Variants in KCNIP1 observed in about 807,000 individuals in gnomAD.
KCNIP1 encodes A-type potassium channel modulatory protein KCNIP1.
A neutral mutation model predicts 33.0 loss-of-function variants in KCNIP1; 18 were observed. The observed-to-expected ratio is 0.55, with a 90% confidence interval of 0.38 to 0.81. The LOEUF is 0.81. Among genes scored for constraint, KCNIP1 ranks in the 30% least tolerant of loss-of-function variants. The pLI is 0.00. For synonymous variants in KCNIP1, 93 were observed against 98.3 expected, an observed-to-expected ratio of 0.95 and a Z score of 0.32; for missense variants, 238 against 271.6, an observed-to-expected ratio of 0.88 and a Z score of 0.87.
At chr5:170,587,985 G>A (rs987904481) in intron 1 of KCNIP1, among the ~76,000 whole-genome samples, 1 of 152,208 alleles carries the variant, frequency 6.6e-6, no homozygotes, top group Non-Finnish European at 1.5e-5. Context: ...ATGCACTGAG[G>A]CAAGCCTGAC....
At chr5:170,625,104 G>C (rs1759771069) in intron 1 of KCNIP1, among the ~76,000 whole-genome samples, 1 of 152,036 alleles carries the variant, frequency 6.6e-6, no homozygotes, top group African/African-American at 2.4e-5. Flanking sequence ...TTTCTACTCT[G>C]GTCCTCTGGT....
intron 1 of KCNIP1, among the ~76,000 whole-genome samples, chr5:170,549,100 C>T (rs1756513723): frequency 1.3e-5 from 2 of 152,092 alleles, no homozygotes; most frequent in African/African-American, 4.8e-5. Context: ...TCCACTGGAG[C>T]CTGGGATCCT....
At chr5:170,545,494 C>A (rs1215358687) in intron 1 of KCNIP1, among the ~76,000 whole-genome samples, 1 of 152,102 alleles carries the variant, frequency 6.6e-6, no homozygotes, top group African/African-American at 2.4e-5. Flanking sequence ...TTCTGGGACT[C>A]CAATTATGTG....
chr5:170,640,174 G>A (rs1417344613), intron 1 of KCNIP1, among the ~76,000 whole-genome samples: 1 of 152,224 alleles, frequency 6.6e-6, no homozygotes, highest in Non-Finnish European at 1.5e-5. Context: ...AGGTCCAACG[G>A]TGACTCCCAA....
chr5:170,705,233 G>A (rs13173208), intron 1 of KCNIP1, among the ~76,000 whole-genome samples: 1 of 152,052 alleles, frequency 6.6e-6, no homozygotes, highest in African/African-American at 2.4e-5. Flanking sequence ...GTCTGCCAAG[G>A]CTTCATTTAT....
At chr5:170,401,775 C>T (rs1350197267) in intron 1 of KCNIP1, among the ~76,000 whole-genome samples, 1 of 151,524 alleles carries the variant, frequency 6.6e-6, no homozygotes, top group Non-Finnish European at 1.5e-5. Flanking sequence ...AAAAAAAAAT[C>T]CCTCATAATT....
rs116178880 is a variant in KCNIP1 at position 170,605,242 on chromosome 5, T to A, written c.61+100609T>A. Among the ~76,000 whole-genome samples the A allele has an allele frequency of 6.1e-3, 925 of 152,152 alleles. 9 individuals carry two copies. Among genetic ancestry groups the A allele is most frequent in the African/African-American group, 0.02 (843 of 41,530 alleles). On this transcript the variant is annotated intron_variant, in intron 1 of 7. Transcript: ENST00000328939. ...CTCCCATGGGTGCTGCTCATCTGAG[T>A]CCCTCTGTCCTCACTATGACGGCTG... is the stretch of plus-strand genomic sequence containing the variant.
chr5:170,547,480 A>G (rs115022157), intron 1 of KCNIP1, among the ~76,000 whole-genome samples: 1 of 152,128 alleles, frequency 6.6e-6, no homozygotes, highest in Non-Finnish European at 1.5e-5. Flanking sequence ...CATCATCCAC[A>G]TATTAAGCTT....
intron 1 of KCNIP1, among the ~76,000 whole-genome samples, chr5:170,409,930 T>C (rs1347194003): frequency 6.6e-6 from 1 of 152,230 alleles, no homozygotes; most frequent in Non-Finnish European, 1.5e-5. Flanking sequence ...TGGTAAATAC[T>C]CAAAAACAAG....
Position 170,489,391 on chromosome 5 carries a change from G to A in KCNIP1, c.88+135427G>A, listed in dbSNP as rs1273324327. ...TGGCCAGGGCTGTCCTGCAGGTAAG[G>A]GCCTCGTGCAGGAGGCCCCTGGGCA... is the stretch of plus-strand genomic sequence containing the variant. On this transcript the variant is annotated intron_variant, in intron 1 of 7. Coordinates refer to the KCNIP1 transcript ENST00000377360. The surrounding 1 kb of genome is among the most constrained non-coding windows in gnomAD (Gnocchi z 4.3). Among the ~76,000 whole-genome samples, 1 of 152,208 alleles carries A rather than the reference G, an allele frequency of 6.6e-6. No individual in the cohort carries two copies. The highest frequency in any genetic ancestry group is 1.9e-4 in the East Asian group (1 of 5,188).
intron 1 of KCNIP1, chr5:170,483,248 C>T (rs1248684959): frequency 3.5e-6 from 1 of 288,604 alleles, no homozygotes; most frequent in Non-Finnish European, 6.8e-6. Flanking sequence ...TAGGGTGATC[C>T]CAGGCTGGGG....
chr5:170,484,942 C>CTTTT (rs397999898), intron 1 of KCNIP1, among the ~76,000 whole-genome samples: 17 of 129,470 alleles, frequency 1.3e-4, no homozygotes, highest in East Asian at 2.2e-4. Flanking sequence ...TTTCTTTTTT[C>CTTTT]TTTTTTTTTT....
intron 1 of KCNIP1, chr5:170,712,742 T>A: frequency 2.0e-6 from 2 of 984,606 alleles, no homozygotes; most frequent in Non-Finnish European, 1.6e-6. Context: ...TTCGCATATG[T>A]CAAGCTGGAC....
At chr5:170,355,336 G>A (rs1398946585) in intron 1 of KCNIP1, among the ~76,000 whole-genome samples, 1 of 152,204 alleles carries the variant, frequency 6.6e-6, no homozygotes, top group Non-Finnish European at 1.5e-5. Context: ...GAAGGAGAAA[G>A]CAAAGGGGTT....
chr5:170,697,030 TCTC>T (rs1035702601), intron 1 of KCNIP1, among the ~76,000 whole-genome samples: 4 of 151,558 alleles, frequency 2.6e-5, no homozygotes, highest in Middle Eastern at 3.4e-3. Flanking sequence ...TCTCTTTCTC[TCTC>T]CTCCTCCTCC....
chr5:170,549,253 G>A (rs1756518844), intron 1 of KCNIP1, among the ~76,000 whole-genome samples: 1 of 152,186 alleles, frequency 6.6e-6, no homozygotes, highest in East Asian at 1.9e-4. Flanking sequence ...AAAGCAAAGA[G>A]AAGTTAGTTC....
At chr5:170,622,806 C>T (rs1759657697) in intron 1 of KCNIP1, among the ~76,000 whole-genome samples, 1 of 152,144 alleles carries the variant, frequency 6.6e-6, no homozygotes, top group Non-Finnish European at 1.5e-5. Flanking sequence ...GACACCCTGA[C>T]TTCAGACTCC....
intron 1 of KCNIP1, among the ~76,000 whole-genome samples, chr5:170,416,981 G>A (rs921178774): frequency 7.2e-5 from 11 of 152,176 alleles, no homozygotes; most frequent in Non-Finnish European, 1.6e-4. Context: ...TTAATTGAGT[G>A]TATCTTTTGC....
intron 1 of KCNIP1, chr5:170,377,888 A>T (rs1343049775): frequency 6.6e-6 from 1 of 151,988 alleles, no homozygotes; most frequent in African/African-American, 2.4e-5. Flanking sequence ...GGTTTTTAAG[A>T]TTGTGTGTTC....
Sources: allele counts gnomAD v4.1 joint callset (sites outside exome capture counted in the v4.1 genomes callset), GRCh38; gene constraint gnomAD v4.1.1; non-coding constraint Gnocchi (gnomAD v3.1); transcripts MANE v1.5; gene names NCBI Gene and HGNC (gene_info 2026-07-23, HGNC 2026-07-21).